PTCH1: variants seen among roughly 807,000 people sequenced by gnomAD.
The protein encoded by PTCH1 is patched 1.
In PTCH1, 14 loss-of-function variants were observed where a neutral mutation model predicts 144.6. That is an observed-to-expected ratio of 0.10 (90% CI 0.06 to 0.15). The LOEUF is 0.15. PTCH1 is among the 10% of genes least tolerant of loss of function. PTCH1 has a pLI of 1.00. For missense variants in PTCH1, 1,623 were observed against 1,948.3 expected, an observed-to-expected ratio of 0.83 and a Z score of 3.14; for synonymous variants, 833 against 793.6, an observed-to-expected ratio of 1.05 and a Z score of -0.83.
rs753673032 is a variant in PTCH1, at chr9:95,469,968, G to A, written c.1729-37C>T. 6 of 1,433,354 alleles carry A rather than the reference G, an allele frequency of 4.2e-6. No homozygotes were observed. In the African/African-American group the frequency reaches 5.6e-5, roughly 13 times the overall value. The allele number at this position is 1,433,354 out of a possible 1,614,324, so 88.8% of individuals were successfully genotyped here. On this transcript the variant is annotated intron_variant, in intron 12 of 23. Coordinates refer to ENST00000331920, the MANE Select transcript of PTCH1 (RefSeq NM_000264.5). ...AAAAAAATTCAGAGGTCACCAACAT[G>A]CCTCCGCCCAATCAGAGGACTGCTT...
chr9:95,467,087 A>G (rs1182269579), intron 15 of PTCH1, 29 bp downstream of exon 15: 1 of 1,610,852 alleles, frequency 6.2e-7, no homozygotes, highest in Non-Finnish European at 8.5e-7. Context: ...AAAAGACCGA[A>G]AGGACGAGAG....
chr9:95,485,604 A>G, intron 3 of PTCH1, 81 bp downstream of exon 3: 11 of 1,549,484 alleles, frequency 7.1e-6, no homozygotes, highest in Non-Finnish European at 9.8e-6. Context: ...TTCATTTACT[A>G]AAATAACGGG....
At chr9:95,493,182 T>C (rs1842547581) in intron 2 of PTCH1, among the ~76,000 whole-genome samples, 1 of 152,218 alleles carries the variant, frequency 6.6e-6, no homozygotes, top group Admixed American at 6.5e-5. Context: ...CAATCCACTG[T>C]AGACAAGAGA....
At chr9:95,490,001 A>G (rs889843703) in intron 2 of PTCH1, among the ~76,000 whole-genome samples, 1 of 148,938 alleles carries the variant, frequency 6.7e-6, no homozygotes, top group Admixed American at 6.7e-5. Context: ...ATGGGGTTTC[A>G]CTGTGTTAGC....
chr9:95,469,188 T>C (rs2118066574), intron 13 of PTCH1, 35 bp from the exon 14 acceptor site: 2 of 1,613,178 alleles, frequency 1.2e-6, no homozygotes, highest in South Asian at 1.1e-5. Context: ...AATGTTATGC[T>C]GAAACAGGGA....
intron 5 of PTCH1, 29 bp from the exon 6 acceptor site, chr9:95,480,617 T>C (rs1178019082): frequency 6.3e-6 from 10 of 1,595,858 alleles, no homozygotes; most frequent in East Asian, 4.5e-5. Flanking sequence ...GACGAGACCA[T>C]GAAAAGAGCC....
chr9:95,448,842 G>A (rs767389408), intron 22 of PTCH1, among the ~76,000 whole-genome samples: 1 of 152,068 alleles, frequency 6.6e-6, no homozygotes, highest in Non-Finnish European at 1.5e-5. Context: ...ACTGGCCCCT[G>A]CCCTTTTTAT....
Position 95,486,767 on chromosome 9 carries a change from G to C in PTCH1, c.395-893C>G, listed in dbSNP as rs1205597489. 2.6e-5 allele frequency among the ~76,000 whole-genome samples: 4 copies of C among 152,198 alleles called. No individual in the cohort carries two copies. In the South Asian group the frequency reaches 6.2e-4, roughly 24 times the overall value. ...CTCCTTTTTACATCCTTAGGCCCAA[G>C]GTTATGTTCAATGAACGGTTCTGGG... On this transcript the variant is annotated intron_variant, in intron 2 of 23. Coordinates refer to ENST00000331920, the MANE Select transcript of PTCH1 (RefSeq NM_000264.5).
Position 95,449,244 on chromosome 9 carries a change from G to C in PTCH1, c.3629C>G (p.Pro1210Arg). Reference sequence around the variant, plus strand: ...AGACCCGCTGTGCGTGTGGCCGGGCGGCATGGCGAAGCGGACCACGCTGGG... The same window carrying C: ...AGACCCGCTGTGCGTGTGGCCGGGCCGCATGGCGAAGCGGACCACGCTGGG... ...PPPSVVRFAM[P>R]PGHTHSGSDS... Residue 1210 changes from proline (P) to arginine (R), a missense_variant, in exon 22 of 24, where the codon CCG becomes CGG. By Grantham distance (103) the Pro-to-Arg change is moderately radical. Coordinates refer to ENST00000331920, the MANE Select transcript of PTCH1 (RefSeq NM_000264.5). The surrounding 1 kb of genome is among the most constrained non-coding windows in gnomAD (Gnocchi z 5.3). 6.3e-7 allele frequency: 1 copy of C among 1,580,964 alleles called. No individual in the cohort carries two copies. Among genetic ancestry groups the C allele is most frequent in the Non-Finnish European group, 8.6e-7 (1 of 1,163,318 alleles).
chr9:95,455,258 T>C (rs1396526776), intron 19 of PTCH1, among the ~76,000 whole-genome samples: 1 of 152,242 alleles, frequency 6.6e-6, no homozygotes, highest in African/African-American at 2.4e-5. Context: ...TGTATCACAG[T>C]AGCCCTGGAA....
intron 23 of PTCH1, chr9:95,446,616 T>C (rs1257573947): frequency 7.7e-6 from 4 of 522,608 alleles, no homozygotes; most frequent in Non-Finnish European, 1.4e-5. Flanking sequence ...TGCACCTCCA[T>C]AAAGACTGGC....
At position 95,453,536 on chromosome 9, in the gene PTCH1, C is replaced by T. The variant is rs566619057; in HGVS notation, c.3391G>A (p.Val1131Met). Reference sequence around the variant, plus strand: ...ATCAGCACTCCCAGCAGAGTGGACACGGCGCCATCCAGGACGGGTGCAAAC... The same window carrying T: ...ATCAGCACTCCCAGCAGAGTGGACATGGCGCCATCCAGGACGGGTGCAAAC... The part of the protein sequence containing the change: ...HMFAPVLDGA[V>M]STLLGVLMLA... Residue 1131 changes from valine to methionine, a missense_variant, in exon 20 of 24, where the codon GTG becomes ATG. This residue lies in a region of PTCH1 where 504 missense variants were observed against 679.3 expected (regional missense o/e 0.74). Transcript: ENST00000331920. 33 of 1,614,142 alleles carry T rather than the reference C, an allele frequency of 2.0e-5. No individual in the cohort carries two copies. Among genetic ancestry groups the T allele is most frequent in the East Asian group, 4.5e-5 (2 of 44,876 alleles).
In PTCH1 at chr9:95,450,285, G is replaced by T. The variant is rs1838349567; in HGVS notation, c.3450-345C>A. Reference sequence around the variant, plus strand: ...ATATGGAATGCGACCTGAATGGCTGGGCAGACTGAAAGCACAAACACAATG... The same window carrying T: ...ATATGGAATGCGACCTGAATGGCTGTGCAGACTGAAAGCACAAACACAATG... On this transcript the variant is annotated intron_variant, in intron 20 of 23. Coordinates refer to ENST00000331920, the MANE Select transcript of PTCH1 (RefSeq NM_000264.5). 1.4e-5 allele frequency: 5 copies of T among 356,024 alleles called. No individual in the cohort carries two copies. The East Asian group carries it at 2.8e-4, about 20-fold the overall frequency. 22.1% of individuals were successfully genotyped at this position (356,024 alleles called of 1,614,324 possible).
rs765609735 is a variant in PTCH1 at position 95,508,113 on chromosome 9, GAGTT to G, written c.201+44_201+47del. Reference sequence around the variant, plus strand: ...TGTGTGTGGCGGGGGCGATCCCAAAGAGTTAGAGGAGGGAAGAGAAAGTGGGAGG... The same window carrying G: ...TGTGTGTGGCGGGGGCGATCCCAAAGAGAGGAGGGAAGAGAAAGTGGGAGG... On this transcript the variant is annotated intron_variant, in intron 1 of 23. Transcript: ENST00000331920. 131 of 1,606,784 alleles carry G rather than the reference GAGTT, an allele frequency of 8.2e-5. No homozygotes were observed. Among genetic ancestry groups the G allele is most frequent in the Non-Finnish European group, 9.3e-5 (110 of 1,176,848 alleles).
intron 19 of PTCH1, among the ~76,000 whole-genome samples, chr9:95,454,656 T>A (rs1188474891): frequency 6.6e-6 from 1 of 152,236 alleles, no homozygotes; most frequent in Non-Finnish European, 1.5e-5. Flanking sequence ...AGGGCCTAGT[T>A]GTGACTACCC....
At chr9:95,490,222 C>G (rs1162209069) in intron 2 of PTCH1, among the ~76,000 whole-genome samples, 21 of 151,326 alleles carry the variant, frequency 1.4e-4, no homozygotes, top group Admixed American at 1.4e-3. Flanking sequence ...GCCTGTAATC[C>G]CAGCACTTTG....
At chr9:95,453,816 T>C (rs562340308) in intron 19 of PTCH1, among the ~76,000 whole-genome samples, 196 bp from the exon 20 acceptor site, 1 of 152,358 alleles carries the variant, frequency 6.6e-6, no homozygotes, top group South Asian at 2.1e-4. Context: ...CTGGGTCATA[T>C]TTGGTGTTGA....
chr9:95,501,871 T>C (rs1238471942), intron 2 of PTCH1, among the ~76,000 whole-genome samples: 3 of 151,994 alleles, frequency 2.0e-5, no homozygotes, highest in Admixed American at 6.5e-5. Context: ...ACAGGCAAGA[T>C]TAAAAATAAC....
chr9:95,465,897 T>C (rs534161103), intron 15 of PTCH1, among the ~76,000 whole-genome samples: 1 of 152,330 alleles, frequency 6.6e-6, no homozygotes, highest in East Asian at 1.9e-4. Flanking sequence ...CATGTGTCAA[T>C]GCAGAATAAA....
Sources: allele counts gnomAD v4.1 joint callset (sites outside exome capture counted in the v4.1 genomes callset), GRCh38; gene constraint gnomAD v4.1.1; regional missense constraint gnomAD v4.1.1; non-coding constraint Gnocchi (gnomAD v3.1); transcripts MANE v1.5; gene names NCBI Gene and HGNC (gene_info 2026-07-23, HGNC 2026-07-21).